The following DOCK4 variants were observed in gnomAD, a reference collection of about 807,000 sequenced individuals.
DOCK4 encodes the protein dedicator of cytokinesis 4.
DOCK4 carries 97 observed loss-of-function variants against 268.1 expected under a neutral mutation model. The ratio of observed to expected loss-of-function variants is 0.36; its 90% CI spans 0.31 to 0.43. The LOEUF (loss-of-function observed/expected upper bound fraction) is 0.43, where lower values mean the gene tolerates loss of function less well. Among genes scored for constraint, DOCK4 ranks in the 20% least tolerant of loss-of-function variants. The pLI is 1.00. For synonymous variants in DOCK4, 954 were observed against 887.2 expected (o/e 1.08, Z -1.34); for missense variants, 2,145 against 2,455.7 (o/e 0.87, Z 2.67).
chr7:111,777,006 C>T (rs960076090), intron 36 of DOCK4, among the ~76,000 whole-genome samples: 14 of 151,856 alleles, frequency 9.2e-5, no homozygotes, highest in East Asian at 1.9e-4. Context: ...TTGGTGGAGA[C>T]GGGGGTTTTG....
chr7:111,769,747 T>C, intron 36 of DOCK4, 70 bp from the exon 37 acceptor site: 2 of 1,530,622 alleles, frequency 1.3e-6, no homozygotes, highest in South Asian at 2.4e-5. Flanking sequence ...TGTGGCCAGT[T>C]TCCGACAAAC....
At chr7:111,730,763 T>A (rs959185624) in intron 52 of DOCK4, among the ~76,000 whole-genome samples, 5 of 152,174 alleles carry the variant, frequency 3.3e-5, no homozygotes, top group African/African-American at 9.7e-5. Context: ...CGATCTATGT[T>A]CTCTTCCTTC....
intron 23 of DOCK4, among the ~76,000 whole-genome samples, chr7:111,861,140 A>G (rs902049448): frequency 2.6e-5 from 4 of 152,208 alleles, no homozygotes; most frequent in Admixed American, 2.0e-4. Flanking sequence ...TCTCCTGCAC[A>G]GTACCTGTTC....
rs543533307 is a variant in DOCK4 at position 111,813,715 on chromosome 7, A to G, written c.2931-1766T>C. 7.2e-5 allele frequency among the ~76,000 whole-genome samples: 11 copies of G among 152,344 alleles called. No homozygotes were observed. The East Asian group carries it at 2.1e-3, about 29-fold the overall frequency. ...AGTGCAAGTCATATCAAAGAGATAC[A>G]TCACCTGCAAATGATGGTATAATGC... On this transcript the variant is annotated intron_variant, in intron 27 of 52. Coordinates refer to ENST00000428084, the MANE Select transcript of DOCK4 (RefSeq NM_001363540.2).
chr7:111,821,245 C>T (rs1026080815), intron 27 of DOCK4: 1 of 152,136 alleles, frequency 6.6e-6, no homozygotes, highest in Non-Finnish European at 1.5e-5. Context: ...CAAAGCTTGC[C>T]ATCTGGAGAA....
At chr7:111,847,180 T>C (rs2134093809) in intron 23 of DOCK4, 54 bp from the exon 24 acceptor site, 1 of 1,600,624 alleles carries the variant, frequency 6.2e-7, no homozygotes, top group Middle Eastern at 1.7e-4. Flanking sequence ...ACGCAATACC[T>C]AGGGCAAATC....
intron 42 of DOCK4, among the ~76,000 whole-genome samples, chr7:111,751,148 T>C (rs1471581160): frequency 6.6e-6 from 1 of 152,176 alleles, no homozygotes; most frequent in Non-Finnish European, 1.5e-5. Flanking sequence ...AAGTATGAAG[T>C]AGTCTTGTGA....
intron 1 of DOCK4, among the ~76,000 whole-genome samples, chr7:112,090,024 T>C (rs568814467): frequency 9.9e-5 from 15 of 152,212 alleles, no homozygotes; most frequent in African/African-American, 3.1e-4. Context: ...TGGTGTCAAC[T>C]GAAGAATCAC....
At chr7:111,909,274 A>G (rs2040625) in intron 13 of DOCK4, among the ~76,000 whole-genome samples, 38,403 of 152,078 alleles carry the variant, frequency 0.25, 5,318 homozygotes, top group African/African-American at 0.38. Context: ...GTGACAATGA[A>G]CTTTTTTACT....
intron 12 of DOCK4, among the ~76,000 whole-genome samples, chr7:111,916,136 G>A (rs1792566988): frequency 1.3e-5 from 2 of 152,142 alleles, no homozygotes; most frequent in African/African-American, 2.4e-5. Flanking sequence ...AAAATGAGCA[G>A]AACTCTAAGA....
chr7:111,781,164 AAAG>A (rs1798765166), intron 35 of DOCK4, among the ~76,000 whole-genome samples: 1 of 152,244 alleles, frequency 6.6e-6, no homozygotes, highest in Non-Finnish European at 1.5e-5. Flanking sequence ...GGTACTTGAG[AAAG>A]AAGATGGAAG....
chr7:111,919,066 C>T (rs1047992395), intron 12 of DOCK4, among the ~76,000 whole-genome samples: 1 of 151,932 alleles, frequency 6.6e-6, no homozygotes, highest in South Asian at 2.1e-4. Flanking sequence ...TCTTGTTTTG[C>T]CCTATAGGAG....
intron 10 of DOCK4, among the ~76,000 whole-genome samples, chr7:111,943,554 C>G (rs1795368526): frequency 6.6e-6 from 1 of 152,160 alleles, no homozygotes; most frequent in South Asian, 2.1e-4. Flanking sequence ...TTTAAAGAAA[C>G]ACAGACTAAA....
chr7:112,050,053 C>A (rs745445378), intron 1 of DOCK4, among the ~76,000 whole-genome samples: 15 of 152,252 alleles, frequency 9.9e-5, no homozygotes, highest in Non-Finnish European at 1.8e-4. Flanking sequence ...TCTGTCTCAA[C>A]ACCTAGCATG....
At chr7:111,766,008 C>T (rs896103128) in intron 38 of DOCK4, among the ~76,000 whole-genome samples, 1 of 152,102 alleles carries the variant, frequency 6.6e-6, no homozygotes, top group Non-Finnish European at 1.5e-5. Context: ...GACTATGGCA[C>T]CCAAGGGCTC....
chr7:112,102,952 A>G (rs1469099858), intron 1 of DOCK4, among the ~76,000 whole-genome samples: 3 of 152,222 alleles, frequency 2.0e-5, no homozygotes, highest in Non-Finnish European at 2.9e-5. Flanking sequence ...GTTTATACCA[A>G]TAAACTTTTA....
At chr7:112,054,772 C>T (rs981249496) in intron 1 of DOCK4, among the ~76,000 whole-genome samples, 8 of 152,018 alleles carry the variant, frequency 5.3e-5, no homozygotes, top group Non-Finnish European at 2.9e-5. Context: ...TCTTAAGGTT[C>T]GTTTATGAGC....
chr7:111,994,780 A>T (rs1799794480), intron 4 of DOCK4, among the ~76,000 whole-genome samples: 1 of 152,218 alleles, frequency 6.6e-6, no homozygotes, highest in South Asian at 2.1e-4. Flanking sequence ...AACTAGGACC[A>T]TGAGAAATGA....
chr7:111,767,916 C>T (rs1359797938), intron 37 of DOCK4, among the ~76,000 whole-genome samples: 3 of 152,042 alleles, frequency 2.0e-5, no homozygotes, highest in Non-Finnish European at 4.4e-5. Flanking sequence ...TGTCAGCAAA[C>T]ATTTTCTGCA....
Sources: gnomAD v4.1 joint callset for allele counts (sites outside exome capture counted in the v4.1 genomes callset) on GRCh38, gnomAD v4.1.1 for gene constraint, MANE v1.5 for transcripts, NCBI Gene and HGNC (gene_info 2026-07-23, HGNC 2026-07-21) for gene names.